Variants in PAQR9 observed in about 807,000 individuals in gnomAD.
PAQR9 encodes progestin and adipoQ receptor family member 9, also known as membrane progestin receptor epsilon.
Under a neutral mutation model 24.0 loss-of-function variants are expected in PAQR9, and 12 were observed. The ratio of observed to expected loss-of-function variants is 0.50; its 90% CI spans 0.32 to 0.81. PAQR9 has a LOEUF of 0.81. PAQR9 is among the 30% of genes least tolerant of loss of function. The pLI, the probability that PAQR9 is intolerant of heterozygous loss-of-function variation, is 0.03. For synonymous variants in PAQR9, 266 were observed against 237.6 expected (o/e 1.12, Z -1.10); for missense variants, 418 against 520.8 (o/e 0.80, Z 1.92).
At position 142,955,727 on chromosome 3, in the gene PAQR9, GA is replaced by G. The variant is rs1280890551; in HGVS notation, c.*6475del. Among the ~76,000 whole-genome samples, 1 of 152,134 alleles carries G rather than the reference GA, an allele frequency of 6.6e-6. No homozygotes were observed. The highest frequency in any genetic ancestry group is 2.4e-5 in the African/African-American group (1 of 41,432). On this transcript the variant is annotated 3_prime_UTR_variant, in exon 1 of 1. Coordinates refer to ENST00000340634, the MANE Select transcript of PAQR9 (RefSeq NM_198504.4). ...AATTTTGTTCATAGCCTCCAGAAAA[GA>G]AAACTAGCCTGTTTGAAAAGTAGAC...
Position 142,956,131 on chromosome 3 carries a change from C to T in PAQR9, c.*6072G>A, listed in dbSNP as rs1308945654. On this transcript the variant is annotated 3_prime_UTR_variant, in exon 1 of 1. Coordinates refer to ENST00000340634, the MANE Select transcript of PAQR9 (RefSeq NM_198504.4). ...TCCCAGGAATTTTATTTTTTGCATC[C>T]AGCATATTAAAAACAGATTATGCTT... Among the ~76,000 whole-genome samples the T allele has an allele frequency of 6.6e-6, 1 of 151,900 alleles. No individual in the cohort carries two copies. Among genetic ancestry groups the T allele is most frequent in the Admixed American group, 6.6e-5 (1 of 15,248 alleles).
upstream of PAQR9, chr3:142,963,959 G>T: frequency 2.3e-6 from 2 of 886,712 alleles, no homozygotes; most frequent in Non-Finnish European, 2.7e-6. Context: ...TACTAGAGTC[G>T]GCCCTGGGGT....
downstream of PAQR9, among the ~76,000 whole-genome samples, chr3:142,953,686 G>A (rs141793893): frequency 2.0e-5 from 3 of 152,298 alleles, no homozygotes; most frequent in African/African-American, 7.2e-5. Context: ...TGGATGAAGT[G>A]GACAGCTGTT....
chr3:142,951,516 A>T, downstream of PAQR9: 1 of 347,684 alleles, frequency 2.9e-6, no homozygotes, highest in South Asian at 2.2e-5. Context: ...CTTACCTGAT[A>T]TATCAGTTTG....
In PAQR9 at chr3:142,958,840, G is replaced by A. The variant is rs189443167; in HGVS notation, c.*3363C>T. On this transcript the variant is annotated 3_prime_UTR_variant, in exon 1 of 1. Transcript: ENST00000340634. ...TTTACAAGCCAGTCATGACATGACCGAGGAACTCATTTCCTCTCTCTGGGA... is the reference window on the plus strand; with the variant it reads ...TTTACAAGCCAGTCATGACATGACCAAGGAACTCATTTCCTCTCTCTGGGA... Among the ~76,000 whole-genome samples the A allele has an allele frequency of 3.3e-5, 5 of 152,258 alleles. No homozygotes were observed. The highest frequency in any genetic ancestry group is 1.3e-4 in the Admixed American group (2 of 15,296).
rs555484014 is a variant in PAQR9, at chr3:142,962,480, A to G, written c.857T>C (p.Val286Ala). Residue 286 changes from valine to alanine, a missense_variant, in exon 1 of 1, where the codon GTG (valine) becomes GCG (alanine). By Grantham distance (64) the Val-to-Ala change is moderately conservative. Around this residue, in one of 3 missense-constraint regions of PAQR9, gnomAD observed 230 missense variants for 305.2 expected, o/e 0.75. Transcript: ENST00000340634. ...CTTGCTCACGTTGAAGAAGGCGGCC[A>G]CCACCAGCCAGAAGTAGCGGCGGTA... ...HFYRRYFWLV[V>A]AAFFNVSKIP... 4 of 1,613,226 alleles carry G rather than the reference A, an allele frequency of 2.5e-6. No homozygotes were observed. The South Asian group carries it at 4.4e-5, about 18-fold the overall frequency.
rs1477707793 is a variant in PAQR9 at position 142,956,713 on chromosome 3, C to A, written c.*5490G>T. On this transcript the variant is annotated 3_prime_UTR_variant, in exon 1 of 1. Transcript: ENST00000340634. ...AAACACTCTAATTCTGCAACTTGCT[C>A]ACAGATTCTTAAGGAGCCACTCTAG... Among the ~76,000 whole-genome samples the A allele has an allele frequency of 6.6e-6, 1 of 152,164 alleles. No homozygotes were observed. The highest frequency in any genetic ancestry group is 1.9e-4 in the East Asian group (1 of 5,202).
chr3:142,954,737 TCA>T lies in PAQR9; in HGVS notation c.*7464_*7465del. 6.6e-6 allele frequency among the ~76,000 whole-genome samples: 1 copy of T among 152,204 alleles called. No individual in the cohort carries two copies. Among genetic ancestry groups the T allele is most frequent in the Non-Finnish European group, 1.5e-5 (1 of 68,032 alleles). ...TAGCAAATCATACAACAGAAATGTGTCACATTTTTTTTTCAGCTACATGCACA... is the reference window on the plus strand; with the variant it reads ...TAGCAAATCATACAACAGAAATGTGTCATTTTTTTTTCAGCTACATGCACA... On this transcript the variant is annotated 3_prime_UTR_variant, in exon 1 of 1. Coordinates refer to ENST00000340634, the MANE Select transcript of PAQR9 (RefSeq NM_198504.4).
rs1482210524 is a variant in PAQR9 at position 142,962,593 on chromosome 3, G to C, written c.744C>G (p.Val248=). 1 of 1,613,818 alleles carries C rather than the reference G, an allele frequency of 6.2e-7. No homozygotes were observed. Residue 248 remains valine (V), a synonymous_variant, in exon 1 of 1, where the codon GTC becomes GTG. Coordinates refer to ENST00000340634, the MANE Select transcript of PAQR9 (RefSeq NM_198504.4). ...YPFALRTFVF[V]MPLSMACPIM... ...TGGGGCAGGCCATGCTGAGCGGCATGACGAAGACGAAGGTGCGCAGCGCGA... is the reference window on the plus strand; with the variant it reads ...TGGGGCAGGCCATGCTGAGCGGCATCACGAAGACGAAGGTGCGCAGCGCGA...
In PAQR9 at chr3:142,962,709, G is replaced by A. The variant is rs1184417065; in HGVS notation, c.628C>T (p.Arg210Cys). ...VDCTRLIAAY[R>C]ALVLPVAFVL... ...AAGGCCACAGGCAGCACCAGGGCGC[G>A]GTAGGCGGCGATAAGGCGCGTGCAG... The change falls in exon 1 of 1, where the codon CGC becomes TGC. Residue 210 changes from arginine (R) to cysteine (C), a missense_variant. Coordinates refer to ENST00000340634, the MANE Select transcript of PAQR9 (RefSeq NM_198504.4). 1.2e-6 allele frequency: 2 copies of A among 1,612,526 alleles called. No homozygotes were observed. Among genetic ancestry groups the A allele is most frequent in the Non-Finnish European group, 8.5e-7 (1 of 1,179,706 alleles).
rs1390855127 is a variant in PAQR9 at position 142,956,352 on chromosome 3, G to C, written c.*5851C>G. ...GAGTGCTTATTGCGTATTTTGGGTGGAGGTATAAGGCATGAGGGAAAGGTG... is the reference window on the plus strand; with the variant it reads ...GAGTGCTTATTGCGTATTTTGGGTGCAGGTATAAGGCATGAGGGAAAGGTG... On this transcript the variant is annotated 3_prime_UTR_variant, in exon 1 of 1. Transcript: ENST00000340634. Among the ~76,000 whole-genome samples, 3 of 152,176 alleles carry C rather than the reference G, an allele frequency of 2.0e-5. No homozygotes were observed. Among genetic ancestry groups the C allele is most frequent in the African/African-American group, 4.8e-5 (2 of 41,440 alleles).
In PAQR9 at chr3:142,962,613, G is replaced by A; in HGVS notation, c.724C>T (p.Leu242=). Residue 242 remains leucine, a synonymous_variant, in exon 1 of 1, where the codon CTG becomes TTG. Coordinates refer to ENST00000340634, the MANE Select transcript of PAQR9 (RefSeq NM_198504.4). The stretch of plus-strand genomic sequence containing the variant: ...GGCATGACGAAGACGAAGGTGCGCA[G>A]CGCGAACGGGTAGGTACACCAGTCG... The part of the protein sequence containing the change: ...RTDWCTYPFA[L]RTFVFVMPLS... The A allele has an allele frequency of 3.7e-6, 6 of 1,613,280 alleles. No individual in the cohort carries two copies. The highest frequency in any genetic ancestry group is 5.1e-6 in the Non-Finnish European group (6 of 1,179,704).
In PAQR9 at chr3:142,963,067, G is replaced by C; in HGVS notation, c.270C>G (p.His90Gln). 1 of 1,614,202 alleles carries C rather than the reference G, an allele frequency of 6.2e-7. No homozygotes were observed. Among genetic ancestry groups the C allele is most frequent in the Non-Finnish European group, 8.5e-7 (1 of 1,180,020 alleles). Residue 90 changes from histidine (H) to glutamine (Q), a missense_variant, in exon 1 of 1, where the codon CAC becomes CAG. By Grantham distance (24) the His-to-Gln change is conservative. Transcript: ENST00000340634. ...TCAGGAACAGCAGCAGCGGGATGAA[G>C]TGCGTCCAGAAGTTGAGCGTCTCGT... ...PTNETLNFWT[H>Q]FIPLLLFLSK...
chr3:142,951,722 A>G (rs1212285603), downstream of PAQR9: 1 of 456,512 alleles, frequency 2.2e-6, no homozygotes, highest in Middle Eastern at 3.2e-4. Context: ...GCCACTGACC[A>G]AAGTCCTTCA....
rs150112731 is a variant in PAQR9 at position 142,957,689 on chromosome 3, C to T, written c.*4514G>A. Among the ~76,000 whole-genome samples the T allele has an allele frequency of 0.011, 1,663 of 152,250 alleles. 17 individuals are homozygous for T. Among genetic ancestry groups the T allele is most frequent in the Non-Finnish European group, 0.018 (1,237 of 68,010 alleles). On this transcript the variant is annotated 3_prime_UTR_variant, in exon 1 of 1. Transcript: ENST00000340634. ...ATACTATCAATCTTCCAATAGTTATCGTTATTAGTGTTTTCATAATATTAG... is the reference window on the plus strand; with the variant it reads ...ATACTATCAATCTTCCAATAGTTATTGTTATTAGTGTTTTCATAATATTAG...
In PAQR9 at chr3:142,963,061, G is replaced by T; in HGVS notation, c.276C>A (p.Ile92=). The T allele has an allele frequency of 6.2e-7, 1 of 1,614,196 alleles. No individual in the cohort carries two copies. Residue 92 remains isoleucine (I), a synonymous_variant, in exon 1 of 1, where the codon ATC becomes ATA. Coordinates refer to ENST00000340634, the MANE Select transcript of PAQR9 (RefSeq NM_198504.4). ...ACTTGCTCAGGAACAGCAGCAGCGG[G>T]ATGAAGTGCGTCCAGAAGTTGAGCG... ...NETLNFWTHF[I]PLLLFLSKFC... is the part of the protein sequence containing the mutation.
At chr3:142,963,742 C>T, upstream of PAQR9, 1 of 902,886 alleles carries the variant, frequency 1.1e-6, no homozygotes, top group Non-Finnish European at 1.3e-6. Context: ...ATGTGCGAGC[C>T]GAGGCGCGGA....
rs1376356135 is a variant in PAQR9, at chr3:142,959,235, T to A, written c.*2968A>T. On this transcript the variant is annotated 3_prime_UTR_variant, in exon 1 of 1. Transcript: ENST00000340634. ...GGAAAGTGTGAAAAATATTTTAAAATATATATTGTTCTGATTGCCACATTA... is the reference window on the plus strand; with the variant it reads ...GGAAAGTGTGAAAAATATTTTAAAAAATATATTGTTCTGATTGCCACATTA... Among the ~76,000 whole-genome samples, 1 of 152,186 alleles carries A rather than the reference T, an allele frequency of 6.6e-6. No homozygotes were observed. The highest frequency in any genetic ancestry group is 1.5e-5 in the Non-Finnish European group (1 of 68,028).
rs1256421623 is a variant in PAQR9, at chr3:142,963,290, G to A, written c.47C>T (p.Pro16Leu). 4.1e-6 allele frequency: 6 copies of A among 1,459,694 alleles called. No homozygotes were observed. 90.4% of individuals were successfully genotyped at this position (1,459,694 alleles called of 1,614,324 possible). ...QPRGAGTKGP[P>L]APAPAASGAA... ...CCCCGAAGCTGCCGGGGCCGGGGCC[G>A]GAGGGCCTTTTGTGCCCGCGCCCCG... is the stretch of plus-strand genomic sequence containing the variant. Residue 16 changes from proline (P) to leucine (L), a missense_variant, in exon 1 of 1, where the codon CCG becomes CTG. Physicochemically the swap from Pro to Leu is moderately conservative, Grantham distance 98. Coordinates refer to ENST00000340634, the MANE Select transcript of PAQR9 (RefSeq NM_198504.4).
Sources: allele counts gnomAD v4.1 joint callset (sites outside exome capture counted in the v4.1 genomes callset), GRCh38; gene constraint gnomAD v4.1.1; regional missense constraint gnomAD v4.1.1; transcripts MANE v1.5; gene names NCBI Gene and HGNC (gene_info 2026-07-23, HGNC 2026-07-21).